Variants in GNAO1 observed in about 807,000 individuals in gnomAD.
GNAO1 encodes the protein G protein subunit alpha o1.
For missense variants in GNAO1, 166 were observed against 478.7 expected, an observed-to-expected ratio of 0.35 and a Z score of 6.10; for synonymous variants, 164 against 180.7, an observed-to-expected ratio of 0.91 and a Z score of 0.74.
chr16:56,230,299 G>A (rs2036577450), intron 2 of GNAO1, among the ~76,000 whole-genome samples: 1 of 152,008 alleles, frequency 6.6e-6, no homozygotes, highest in African/African-American at 2.4e-5. Flanking sequence ...TGTGCCATTC[G>A]CCCCCTGTGC....
At chr16:56,294,448 G>A (rs1348963908) in intron 3 of GNAO1, among the ~76,000 whole-genome samples, 1 of 150,932 alleles carries the variant, frequency 6.6e-6, no homozygotes, top group Non-Finnish European at 1.5e-5. Context: ...TGCCTCTCTT[G>A]TCACACTTCT....
chr16:56,273,723 G>C (rs1261243694), intron 2 of GNAO1, among the ~76,000 whole-genome samples: 1 of 152,010 alleles, frequency 6.6e-6, no homozygotes, highest in Non-Finnish European at 1.5e-5. Flanking sequence ...CTTCATGAGG[G>C]CAGGTCTAAA....
chr16:56,220,404 T>C (rs2036473346), intron 2 of GNAO1, among the ~76,000 whole-genome samples: 1 of 152,208 alleles, frequency 6.6e-6, no homozygotes, highest in Non-Finnish European at 1.5e-5. Context: ...AGGCTTCCAG[T>C]ATAAAATGAC....
chr16:56,274,673 T>C (rs138116491), intron 2 of GNAO1, among the ~76,000 whole-genome samples: 183 of 152,332 alleles, frequency 1.2e-3, no homozygotes, highest in African/African-American at 4.3e-3. Flanking sequence ...CAAAAGACCA[T>C]ACATTGTATG....
At chr16:56,334,161 A>G (rs546553321) in intron 4 of GNAO1, among the ~76,000 whole-genome samples, 4 of 152,322 alleles carry the variant, frequency 2.6e-5, no homozygotes, top group Non-Finnish European at 5.9e-5. Flanking sequence ...AGAGCATCAA[A>G]TTGGAAGGGG....
chr16:56,242,079 T>C (rs2036698736), intron 2 of GNAO1, among the ~76,000 whole-genome samples: 1 of 152,226 alleles, frequency 6.6e-6, no homozygotes, highest in Non-Finnish European at 1.5e-5. Flanking sequence ...ACAGCAGTGA[T>C]AGCAGAAATG....
chr16:56,308,937 C>T (rs1298102530), intron 3 of GNAO1, among the ~76,000 whole-genome samples: 2 of 152,022 alleles, frequency 1.3e-5, no homozygotes, highest in Admixed American at 1.3e-4. Context: ...TTCATCAGGT[C>T]AAGTCTAACT....
chr16:56,262,681 G>A (rs1331076052), intron 2 of GNAO1, among the ~76,000 whole-genome samples: 10 of 152,162 alleles, frequency 6.6e-5, no homozygotes, highest in African/African-American at 2.4e-4. Flanking sequence ...TAAACATAAT[G>A]TACTAATAGG....
intron 2 of GNAO1, among the ~76,000 whole-genome samples, chr16:56,252,784 C>T (rs2036811598): frequency 6.6e-6 from 1 of 152,204 alleles, no homozygotes; most frequent in Non-Finnish European, 1.5e-5. Context: ...CCGGCCCCAT[C>T]CAGCTGTTCC....
intron 6 of GNAO1, chr16:56,344,983 G>C (rs1250470280): frequency 5.1e-6 from 5 of 982,190 alleles, no homozygotes; most frequent in Non-Finnish European, 6.0e-6. Flanking sequence ...CCCAGCCCCT[G>C]GGGACAGAGG....
At chr16:56,216,572 T>C (rs1332476050) in intron 2 of GNAO1, among the ~76,000 whole-genome samples, 1 of 152,242 alleles carries the variant, frequency 6.6e-6, no homozygotes, top group Non-Finnish European at 1.5e-5. Context: ...GTTCAAGTCT[T>C]GTCTCTGCCA....
chr16:56,217,127 T>C (rs1232754151), intron 2 of GNAO1, among the ~76,000 whole-genome samples: 1 of 152,236 alleles, frequency 6.6e-6, no homozygotes, highest in African/African-American at 2.4e-5. Context: ...TTCCATAATT[T>C]GGAGCTCAAG....
chr16:56,243,946 CTG>C (rs2036718276), intron 2 of GNAO1, among the ~76,000 whole-genome samples: 1 of 152,198 alleles, frequency 6.6e-6, no homozygotes. Flanking sequence ...GCTGAGGAAA[CTG>C]AGGCAGAGTT....
At chr16:56,222,877 G>A (rs2036503895) in intron 2 of GNAO1, among the ~76,000 whole-genome samples, 2 of 152,116 alleles carry the variant, frequency 1.3e-5, no homozygotes, top group Admixed American at 6.5e-5. Flanking sequence ...TGAGTGCCAT[G>A]TCCCAGGCAT....
chr16:56,289,246 G>T (rs2037206616), intron 3 of GNAO1, among the ~76,000 whole-genome samples: 1 of 152,210 alleles, frequency 6.6e-6, no homozygotes, highest in African/African-American at 2.4e-5. Flanking sequence ...CAGCGCACTG[G>T]GGGGCAGATC....
chr16:56,195,318 T>C (rs1038061999), intron 2 of GNAO1, among the ~76,000 whole-genome samples: 17 of 152,210 alleles, frequency 1.1e-4, no homozygotes, highest in Non-Finnish European at 2.2e-4. Flanking sequence ...CTGTGAGCCT[T>C]CCAGCTTGGC....
At chr16:56,319,088 A>G (rs1412747506) in intron 3 of GNAO1, among the ~76,000 whole-genome samples, 1 of 152,208 alleles carries the variant, frequency 6.6e-6, no homozygotes, top group Non-Finnish European at 1.5e-5. Context: ...ATTAAGCTTT[A>G]GCTCCAAGCC....
At chr16:56,213,997 G>C (rs2036416463) in intron 2 of GNAO1, among the ~76,000 whole-genome samples, 1 of 152,124 alleles carries the variant, frequency 6.6e-6, no homozygotes, top group Non-Finnish European at 1.5e-5. Flanking sequence ...CCTAGGGCTT[G>C]GGGGTGGTGT....
chr16:56,328,056 C>T (rs2037653253), intron 3 of GNAO1, among the ~76,000 whole-genome samples: 2 of 152,216 alleles, frequency 1.3e-5, no homozygotes, highest in Admixed American at 6.5e-5. Flanking sequence ...CTCCCCTCCC[C>T]CAGTCCTGAG....
Sources: allele counts gnomAD v4.1 joint callset (sites outside exome capture counted in the v4.1 genomes callset), GRCh38; gene constraint gnomAD v4.1.1; transcripts MANE v1.5; gene names NCBI Gene and HGNC (gene_info 2026-07-23, HGNC 2026-07-21).